GNG12: variants seen among roughly 807,000 people sequenced by gnomAD.
The protein encoded by GNG12 is guanine nucleotide-binding protein G(I)/G(S)/G(O) subunit gamma-12.
For missense variants in GNG12, 69 were observed against 83.8 expected (o/e 0.82, Z 0.69); for synonymous variants, 28 against 29.7 (o/e 0.94, Z 0.19).
At chr1:67,788,435 T>A (rs1398157902) in intron 1 of GNG12, among the ~76,000 whole-genome samples, 1 of 152,056 alleles carries the variant, frequency 6.6e-6, no homozygotes. Context: ...CCTCCTGGGC[T>A]CACACAATCC....
rs373444438 is a variant in GNG12, at chr1:67,756,373, G to C, written c.-27+21085C>G. Among the ~76,000 whole-genome samples, 7 of 152,362 alleles carry C rather than the reference G, an allele frequency of 4.6e-5. No individual in the cohort carries two copies. In the East Asian group the frequency reaches 1.4e-3, roughly 29 times the overall value. On this transcript the variant is annotated intron_variant, in intron 2 of 3. Coordinates refer to ENST00000370982, the MANE Select transcript of GNG12 (RefSeq NM_018841.6). ...GGAGAGACAAGGCTGAAGTCAGCAA[G>C]GCCAGTTGAGGGGCTGCTACAGTAA...
At chr1:67,810,554 A>C (rs2249037) in intron 1 of GNG12, among the ~76,000 whole-genome samples, 91,879 of 152,014 alleles carry the variant, frequency 0.6, 27,997 homozygotes, top group Middle Eastern at 0.73. Flanking sequence ...TCTGCTGTGA[A>C]CCTAAAACTG....
intron 2 of GNG12, among the ~76,000 whole-genome samples, chr1:67,721,110 G>A (rs1646353847): frequency 6.6e-6 from 1 of 152,176 alleles, no homozygotes; most frequent in Non-Finnish European, 1.5e-5. Flanking sequence ...CCTGCAGAGA[G>A]GAAGTGGGAA....
intron 1 of GNG12, among the ~76,000 whole-genome samples, chr1:67,809,231 C>A (rs972848643): frequency 5.9e-5 from 9 of 151,966 alleles, no homozygotes; most frequent in Non-Finnish European, 8.8e-5. Context: ...CATTCCCTGC[C>A]CCCACCAAAA....
intron 1 of GNG12, among the ~76,000 whole-genome samples, chr1:67,824,992 A>T (rs1256575871): frequency 6.6e-6 from 1 of 152,232 alleles, no homozygotes; most frequent in Non-Finnish European, 1.5e-5. Context: ...CCTTCTAGGC[A>T]GCCTGCCAGG....
At chr1:67,760,387 T>A (rs1646595282) in intron 2 of GNG12, among the ~76,000 whole-genome samples, 1 of 151,934 alleles carries the variant, frequency 6.6e-6, no homozygotes. Flanking sequence ...CAGTTCAATT[T>A]ATTTTTATTT....
At chr1:67,747,960 G>A (rs1453038246) in intron 2 of GNG12, among the ~76,000 whole-genome samples, 1 of 152,220 alleles carries the variant, frequency 6.6e-6, no homozygotes, top group Non-Finnish European at 1.5e-5. Flanking sequence ...TGGCTATGAG[G>A]AGAAGGATGG....
chr1:67,765,502 G>C (rs1557609786), intron 2 of GNG12, among the ~76,000 whole-genome samples: 1 of 152,106 alleles, frequency 6.6e-6, no homozygotes, highest in Non-Finnish European at 1.5e-5. Context: ...GGTCAGATTT[G>C]GTAATTAAAA....
intron 1 of GNG12, among the ~76,000 whole-genome samples, chr1:67,798,945 T>C (rs1646847855): frequency 1.3e-5 from 2 of 151,280 alleles, no homozygotes; most frequent in South Asian, 4.2e-4. Context: ...AGAGCAAGGC[T>C]GTCTCACAAA....
chr1:67,734,010 G>A (rs1646436537), intron 2 of GNG12, among the ~76,000 whole-genome samples: 1 of 152,140 alleles, frequency 6.6e-6, no homozygotes, highest in African/African-American at 2.4e-5. Flanking sequence ...CCAACGGTTT[G>A]CACAGGCAGC....
intron 2 of GNG12, among the ~76,000 whole-genome samples, chr1:67,723,316 C>CTGA (rs1416617974): frequency 6.6e-6 from 1 of 152,106 alleles, no homozygotes; most frequent in African/African-American, 2.4e-5. Context: ...CAGAGACAGG[C>CTGA]TGAGGGAAGC....
chr1:67,762,610 G>A (rs577586494), intron 2 of GNG12, among the ~76,000 whole-genome samples: 100 of 152,278 alleles, frequency 6.6e-4, no homozygotes, highest in Non-Finnish European at 1.2e-3. Context: ...CTACTGGAAT[G>A]GGGTATGTGG....
At chr1:67,723,684 G>A (rs1015269532) in intron 2 of GNG12, among the ~76,000 whole-genome samples, 17 of 152,302 alleles carry the variant, frequency 1.1e-4, no homozygotes, top group Middle Eastern at 3.4e-3. Context: ...TTAGAATTAA[G>A]GGAACTGAGG....
At chr1:67,779,402 C>T (rs549600613) in intron 1 of GNG12, among the ~76,000 whole-genome samples, 35 of 152,252 alleles carry the variant, frequency 2.3e-4, no homozygotes, top group Admixed American at 1.6e-3. Context: ...AAAATCCTTC[C>T]GTGGCTTCCT....
intron 1 of GNG12, among the ~76,000 whole-genome samples, chr1:67,790,821 T>C (rs1027895562): frequency 7.9e-5 from 12 of 152,168 alleles, no homozygotes; most frequent in Admixed American, 7.2e-4. Flanking sequence ...TCACCATGTT[T>C]GTCAGGCTGA....
chr1:67,763,107 G>GAGAGAGAGGC (rs1263142667), intron 2 of GNG12, among the ~76,000 whole-genome samples: 1 of 122,328 alleles, frequency 8.2e-6, no homozygotes, highest in African/African-American at 3.5e-5. Flanking sequence ...GAGAGAGAGA[G>GAGAGAGAGGC]AGAGAGAGAG....
chr1:67,799,724 T>C (rs1450600692), intron 1 of GNG12, among the ~76,000 whole-genome samples: 1 of 152,208 alleles, frequency 6.6e-6, no homozygotes, highest in East Asian at 1.9e-4. Context: ...TACTTATTAA[T>C]CCATTAAAAT....
At chr1:67,796,667 T>C (rs920244118) in intron 1 of GNG12, among the ~76,000 whole-genome samples, 9 of 152,136 alleles carry the variant, frequency 5.9e-5, no homozygotes, top group African/African-American at 2.2e-4. Context: ...TTATCAGTGT[T>C]TCATAGGTGG....
intron 2 of GNG12, among the ~76,000 whole-genome samples, chr1:67,730,332 T>A (rs1557598679): frequency 6.6e-6 from 1 of 152,148 alleles, no homozygotes; most frequent in Non-Finnish European, 1.5e-5. Flanking sequence ...AAACTCCATC[T>A]CTACTAAAAA....
Sources: gnomAD v4.1 joint callset for allele counts (sites outside exome capture counted in the v4.1 genomes callset) on GRCh38, gnomAD v4.1.1 for gene constraint, MANE v1.5 for transcripts, NCBI Gene and HGNC (gene_info 2026-07-23, HGNC 2026-07-21) for gene names.